The following CUBN variants were observed in gnomAD, a reference collection of about 807,000 sequenced individuals.
CUBN encodes the protein cubilin, also known as 460 kDa receptor.
CUBN carries 282 observed loss-of-function variants against 405.3 expected under a neutral mutation model. The observed-to-expected ratio is 0.70, with a 90% CI of 0.63 to 0.77. CUBN has a LOEUF of 0.77. Ranked by LOEUF, CUBN falls within the 30% of genes least tolerant of loss-of-function variation. The pLI, the probability that CUBN is intolerant of heterozygous loss-of-function variation, is 0.00. For synonymous variants in CUBN, 1,684 were observed against 1,617.0 expected (o/e 1.04, Z -0.99); for missense variants, 4,514 against 4,475.2 (o/e 1.01, Z -0.25).
chr10:16,836,862 C>A (rs1839186850), intron 62 of CUBN, among the ~76,000 whole-genome samples: 1 of 152,196 alleles, frequency 6.6e-6, no homozygotes, highest in Admixed American at 6.5e-5. Context: ...CGGGGCCTGT[C>A]ATGAGGTACC....
chr10:16,864,102 T>A (rs1016124735), intron 59 of CUBN, among the ~76,000 whole-genome samples: 2 of 152,250 alleles, frequency 1.3e-5, no homozygotes, highest in Non-Finnish European at 2.9e-5. Flanking sequence ...TATCTCATTA[T>A]AAAATATGAT....
chr10:17,124,668 T>A (rs957517105), intron 4 of CUBN, among the ~76,000 whole-genome samples: 9 of 152,076 alleles, frequency 5.9e-5, no homozygotes, highest in Non-Finnish European at 1.2e-4. Flanking sequence ...GACCTCGTGA[T>A]CCGCCCGCCT....
At chr10:16,874,271 C>A (rs752413089) in intron 58 of CUBN, 103 bp downstream of exon 58, 9 of 1,228,676 alleles carry the variant, frequency 7.3e-6, no homozygotes, top group Non-Finnish European at 1.1e-5. Context: ...GATTTCCCTC[C>A]AGACTGCCGA....
intron 13 of CUBN, among the ~76,000 whole-genome samples, chr10:17,100,452 C>T (rs1836470829): frequency 6.6e-6 from 1 of 152,026 alleles, no homozygotes; most frequent in Non-Finnish European, 1.5e-5. Flanking sequence ...CAAAATATAT[C>T]AAAAAATCTT....
At chr10:16,901,282 C>A (rs1841355982) in intron 52 of CUBN, 56 bp downstream of exon 52, 5 of 1,612,296 alleles carry the variant, frequency 3.1e-6, no homozygotes, top group Non-Finnish European at 4.2e-6. Context: ...TCATGCAGGA[C>A]AGGCTATTGT....
chr10:16,910,172 CT>C (rs1313177871), intron 48 of CUBN, among the ~76,000 whole-genome samples: 3 of 150,852 alleles, frequency 2.0e-5, no homozygotes, highest in Non-Finnish European at 4.4e-5. Context: ...TATTGTTCTT[CT>C]TTTTTTCTCC....
intron 29 of CUBN, among the ~76,000 whole-genome samples, chr10:16,985,457 A>C (rs1003977043): frequency 6.6e-6 from 1 of 152,100 alleles, no homozygotes; most frequent in Non-Finnish European, 1.5e-5. Context: ...GCCCAATAAA[A>C]TCCCCACATT....
intron 31 of CUBN, among the ~76,000 whole-genome samples, chr10:16,969,506 C>A (rs1843494129): frequency 6.6e-6 from 1 of 152,090 alleles, no homozygotes; most frequent in African/African-American, 2.4e-5. Flanking sequence ...AGGTATGCAC[C>A]ACAAAACCCA....
In CUBN at chr10:17,071,600, G is replaced by T. The variant is rs768531445; in HGVS notation, c.2451C>A (p.Cys817Ter). 1.2e-6 allele frequency: 2 copies of T among 1,612,876 alleles called. No individual in the cohort carries two copies. Among genetic ancestry groups the T allele is most frequent in the Non-Finnish European group, 1.7e-6 (2 of 1,179,644 alleles). ...CCCCTTCTCCAGTTAATTCATCCCCGCAAGCTGTAAGCATAAAAATTATAG... is the reference window on the plus strand; with the variant it reads ...CCCCTTCTCCAGTTAATTCATCCCCTCAAGCTGTAAGCATAAAAATTATAG... ...ASFRAVYQVA[C>*]GDELTGEGVI... is the part of the protein sequence containing the mutation. Residue 817 changes from cysteine to a stop codon, truncating the protein, a stop_gained, in exon 19 of 67, where the codon TGC becomes TGA. Transcript: ENST00000377833. LOFTEE classifies it high-confidence loss of function.
chr10:16,974,330 G>C (rs1245751064), intron 31 of CUBN, among the ~76,000 whole-genome samples: 1 of 152,102 alleles, frequency 6.6e-6, no homozygotes, highest in African/African-American at 2.4e-5. Context: ...TATCGGTGTG[G>C]CTCACTTCTT....
At chr10:16,825,907 A>ATT (rs34831032) in intron 66 of CUBN, among the ~76,000 whole-genome samples, 1 of 151,356 alleles carries the variant, frequency 6.6e-6, no homozygotes, top group East Asian at 2.0e-4. Flanking sequence ...GTGAGTGTAG[A>ATT]TTTTTTTTTC....
At position 16,828,835 on chromosome 10, in the gene CUBN, G is replaced by C; in HGVS notation, c.10734C>G (p.Ser3578Arg). Reference sequence around the variant, plus strand: ...CGCAGTATGGTCCAGAGGATGGAGAGCTGGCGTTGGGCCCATCATAGAGTG... The same window carrying C: ...CGCAGTATGGTCCAGAGGATGGAGACCTGGCGTTGGGCCCATCATAGAGTG... ...YLTLYDGPNA[S>R]SPSSGPYCGG... Residue 3578 changes from serine (S) to arginine (R), a missense_variant, in exon 66 of 67, where the codon AGC (serine) becomes AGG (arginine). Ser to Arg is a moderately radical substitution (Grantham distance 110). This residue lies in a region of CUBN where 1,186 missense variants were observed against 1,186.9 expected (regional missense o/e 1.00). Coordinates refer to ENST00000377833, the MANE Select transcript of CUBN (RefSeq NM_001081.4). 6.2e-7 allele frequency: 1 copy of C among 1,613,814 alleles called. No individual in the cohort carries two copies. Among genetic ancestry groups the C allele is most frequent in the Non-Finnish European group, 8.5e-7 (1 of 1,179,676 alleles).
At chr10:16,891,482 G>A (rs912339138) in intron 54 of CUBN, among the ~76,000 whole-genome samples, 2 of 152,074 alleles carry the variant, frequency 1.3e-5, no homozygotes, top group African/African-American at 4.8e-5. Flanking sequence ...CCTGCAGAGG[G>A]GGCTGCAGGA....
chr10:17,011,868 A>G (rs1834196396), intron 28 of CUBN, among the ~76,000 whole-genome samples: 1 of 152,084 alleles, frequency 6.6e-6, no homozygotes, highest in African/African-American at 2.4e-5. Context: ...ACAAACCTTT[A>G]GCTAGACAGA....
chr10:16,862,160 T>TCTCA (rs144560387), intron 59 of CUBN, among the ~76,000 whole-genome samples: 1,761 of 131,194 alleles, frequency 0.013, 30 homozygotes, highest in Admixed American at 0.044. Context: ...TCTCTCTCTC[T>TCTCA]CACACACACA....
At chr10:17,080,678 C>T (rs1307560765) in intron 17 of CUBN, among the ~76,000 whole-genome samples, 1 of 152,196 alleles carries the variant, frequency 6.6e-6, no homozygotes, top group Non-Finnish European at 1.5e-5. Flanking sequence ...TTCACCTTAA[C>T]ATCGTATAGC....
intron 31 of CUBN, among the ~76,000 whole-genome samples, chr10:16,963,172 TTTTTC>T (rs1843282080): frequency 6.8e-6 from 1 of 146,948 alleles, no homozygotes; most frequent in South Asian, 2.1e-4. Flanking sequence ...ATACATTTCT[TTTTTC>T]TTTTCTTTTC....
intron 36 of CUBN, among the ~76,000 whole-genome samples, chr10:16,944,615 A>C (rs1842731689): frequency 6.6e-6 from 1 of 152,240 alleles, no homozygotes; most frequent in South Asian, 2.1e-4. Flanking sequence ...AACTGCAAAA[A>C]AAGAGGCATC....
rs191181076 is a variant in CUBN, at chr10:17,099,957, T to C, written c.1765+48A>G. 2.7e-4 allele frequency: 362 copies of C among 1,333,372 alleles called. No individual in the cohort carries two copies. In the African/African-American group the frequency reaches 4.2e-3, roughly 15 times the overall value. The allele number at this position is 1,333,372 out of a possible 1,614,324, so 82.6% of individuals were successfully genotyped here. On this transcript the variant is annotated intron_variant, in intron 14 of 66. Coordinates refer to ENST00000377833, the MANE Select transcript of CUBN (RefSeq NM_001081.4). Reference sequence around the variant, plus strand: ...AAGTCTAACACTGATTAAGAACACTTAATAACCTCAAAATTTTGCTTGCTT... The same window carrying C: ...AAGTCTAACACTGATTAAGAACACTCAATAACCTCAAAATTTTGCTTGCTT...
Sources: gnomAD v4.1 joint callset for allele counts (sites outside exome capture counted in the v4.1 genomes callset) on GRCh38, gnomAD v4.1.1 for gene constraint, gnomAD v4.1.1 regional missense constraint, MANE v1.5 for transcripts, NCBI Gene and HGNC (gene_info 2026-07-23, HGNC 2026-07-21) for gene names.